The following DNAH12 variants were observed in gnomAD, a reference collection of about 807,000 sequenced individuals.
DNAH12 encodes the protein dynein axonemal heavy chain 12, also known as axonemal beta dynein heavy chain 12.
In DNAH12, 285 loss-of-function variants were observed where a neutral mutation model predicts 371.5. That is an observed-to-expected ratio of 0.77 (90% CI 0.70 to 0.85). DNAH12 has a LOEUF of 0.85. Ranked by LOEUF, DNAH12 falls within the 40% of genes least tolerant of loss-of-function variation. The pLI is 0.00. For synonymous variants in DNAH12, 1,200 were observed against 1,213.0 expected (o/e 0.99, Z 0.22); for missense variants, 3,611 against 3,689.4 (o/e 0.98, Z 0.55).
chr3:57,440,787 A>T (rs2065278016), intron 29 of DNAH12, among the ~76,000 whole-genome samples: 1 of 152,204 alleles, frequency 6.6e-6, no homozygotes, highest in Non-Finnish European at 1.5e-5. Context: ...CGGGAGTTCA[A>T]GACCAGCCTG....
chr3:57,537,566 A>C (rs531825391), intron 2 of DNAH12, among the ~76,000 whole-genome samples: 42 of 152,330 alleles, frequency 2.8e-4, no homozygotes, highest in Non-Finnish European at 5.6e-4. Context: ...GTCATCTAAC[A>C]GGTGCAGATA....
At chr3:57,391,249 A>T (rs1450399722) in intron 45 of DNAH12, among the ~76,000 whole-genome samples, 1 of 152,152 alleles carries the variant, frequency 6.6e-6, no homozygotes, top group African/African-American at 2.4e-5. Context: ...GCTGCATCCA[A>T]TTGTCCTTGT....
chr3:57,448,413 T>G (rs940612215), intron 25 of DNAH12, among the ~76,000 whole-genome samples: 16 of 152,036 alleles, frequency 1.1e-4, no homozygotes, highest in Non-Finnish European at 2.2e-4. Context: ...ACCTTCGCCC[T>G]GAGTGTTAAA....
At chr3:57,499,647 A>AAAATATATATATATAT (rs1451248906) in intron 11 of DNAH12, among the ~76,000 whole-genome samples, 1 of 17,950 alleles carries the variant, frequency 5.6e-5, no homozygotes, top group Admixed American at 5.5e-4. Flanking sequence ...AAAAAAAAAA[A>AAAATATATATATATAT]ATATATATAT....
At chr3:57,320,156 C>T (rs1156292040) in intron 65 of DNAH12, among the ~76,000 whole-genome samples, 1 of 152,158 alleles carries the variant, frequency 6.6e-6, no homozygotes, top group African/African-American at 2.4e-5. Context: ...GTAGCTTTAA[C>T]AAGTCCCCCA....
intron 13 of DNAH12, among the ~76,000 whole-genome samples, chr3:57,479,089 A>G (rs1252106685): frequency 2.6e-5 from 4 of 152,138 alleles, no homozygotes; most frequent in African/African-American, 9.7e-5. Flanking sequence ...AACCTTAAAT[A>G]TAAATGGGCT....
chr3:57,342,651 CAAA>C (rs71088061), intron 60 of DNAH12, among the ~76,000 whole-genome samples: 13 of 35,074 alleles, frequency 3.7e-4, no homozygotes, highest in Admixed American at 4.7e-4. Context: ...GACTGAGACT[CAAA>C]AAAAAAAAAA....
At chr3:57,370,755 A>C (rs1321003402) in intron 55 of DNAH12, among the ~76,000 whole-genome samples, 1 of 152,182 alleles carries the variant, frequency 6.6e-6, no homozygotes, top group African/African-American at 2.4e-5. Flanking sequence ...ACAGGTGCCC[A>C]AACAGATAAA....
At chr3:57,523,955 A>T in intron 2 of DNAH12, 71 bp from the exon 3 acceptor site, 1 of 1,167,824 alleles carries the variant, frequency 8.6e-7, no homozygotes, top group South Asian at 1.6e-5. Flanking sequence ...TTACAATTTA[A>T]GCATTTTTCC....
chr3:57,468,838 T>C lies in DNAH12; in HGVS notation c.2247A>G (p.Ala749=), dbSNP rs768404902. The change falls in exon 17 of 74, where the codon GCA becomes GCG. Residue 749 remains alanine (A), a synonymous_variant. Coordinates refer to ENST00000495027, the MANE Select transcript of DNAH12 (RefSeq NM_001366028.2). ...KKELQEKRKA[A]RKRSLEEEKI... ...TCTCTTCTTCCAAAGACCGTTTTCT[T>C]GCTGCCTTTCTTTTTTCTTGTAATT... 3.9e-6 allele frequency: 6 copies of C among 1,530,856 alleles called. No individual in the cohort carries two copies. Among genetic ancestry groups the C allele is most frequent in the South Asian group, 3.8e-5 (3 of 79,950 alleles). The allele number at this position is 1,530,856 out of a possible 1,614,324, so 94.8% of individuals were successfully genotyped here.
chr3:57,426,668 A>G (rs2064778013), intron 34 of DNAH12, among the ~76,000 whole-genome samples: 1 of 148,372 alleles, frequency 6.7e-6, no homozygotes, highest in African/African-American at 2.5e-5. Flanking sequence ...CATCTCTACA[A>G]AAAAAAAAAT....
intron 65 of DNAH12, among the ~76,000 whole-genome samples, chr3:57,319,997 A>AT: frequency 6.6e-6 from 1 of 152,212 alleles, no homozygotes; most frequent in Non-Finnish European, 1.5e-5. Context: ...ACATTAATTG[A>AT]TTTTTATAAG....
At chr3:57,530,585 C>T in intron 2 of DNAH12, 1 of 640,066 alleles carries the variant, frequency 1.6e-6, no homozygotes. Context: ...CCTCAGGAGT[C>T]AGCTTGGCCC....
chr3:57,390,401 C>A (rs2063590073), intron 45 of DNAH12, among the ~76,000 whole-genome samples: 1 of 24,794 alleles, frequency 4.0e-5, no homozygotes, highest in African/African-American at 8.3e-5. Flanking sequence ...CGACAGAGAT[C>A]CTGTCTCAAA....
Position 57,323,535 on chromosome 3 carries a change from A to G in DNAH12, c.10063T>C (p.Tyr3355His). 6.4e-7 allele frequency: 1 copy of G among 1,551,072 alleles called. No homozygotes were observed. Among genetic ancestry groups the G allele is most frequent in the Non-Finnish European group, 8.7e-7 (1 of 1,146,826 alleles). ...GGAATGGTGCAATTTGAATCCAAGT[A>G]ACTCTTTGTCAAATCAAATGGTGGA... ...EPPPFDLTKSYLDSNCTIPLI... is the reference protein window; with the variant it reads ...EPPPFDLTKSHLDSNCTIPLI... Residue 3355 changes from tyrosine (Y) to histidine (H), a missense_variant, in exon 63 of 74, where the codon TAC becomes CAC. Physicochemically the swap from Tyr to His is moderately conservative, Grantham distance 83 (BLOSUM62 2). Transcript: ENST00000495027.
At chr3:57,500,097 G>C (rs1238921811) in intron 11 of DNAH12, among the ~76,000 whole-genome samples, 3 of 150,450 alleles carry the variant, frequency 2.0e-5, no homozygotes, top group Admixed American at 6.6e-5. Flanking sequence ...CTGGAGTGCA[G>C]TGGCATGAGC....
At chr3:57,479,230 A>G (rs1247336829) in intron 13 of DNAH12, among the ~76,000 whole-genome samples, 1 of 152,180 alleles carries the variant, frequency 6.6e-6, no homozygotes, top group African/African-American at 2.4e-5. Flanking sequence ...AGGATGATCT[A>G]CCAAGCAAAT....
chr3:57,416,572 A>G (rs2064383419), intron 37 of DNAH12, among the ~76,000 whole-genome samples: 2 of 152,204 alleles, frequency 1.3e-5, no homozygotes, highest in South Asian at 2.1e-4. Context: ...CAGCATGTGA[A>G]TAACAAGGGG....
chr3:57,377,835 A>G (rs2063312399), intron 52 of DNAH12, among the ~76,000 whole-genome samples: 1 of 152,170 alleles, frequency 6.6e-6, no homozygotes, highest in East Asian at 1.9e-4. Flanking sequence ...TCAAGAATGC[A>G]GTTTGGCCAA....
Sources: gnomAD v4.1 joint callset for allele counts (sites outside exome capture counted in the v4.1 genomes callset) on GRCh38, gnomAD v4.1.1 for gene constraint, MANE v1.5 for transcripts, NCBI Gene and HGNC (gene_info 2026-07-23, HGNC 2026-07-21) for gene names.